PDXDC1: variants seen among roughly 807,000 people sequenced by gnomAD.
The protein encoded by PDXDC1 is pyridoxal-dependent decarboxylase domain-containing protein 1.
A neutral mutation model predicts 100.1 loss-of-function variants in PDXDC1; 42 were observed. The observed-to-expected ratio is 0.42, with a 90% CI of 0.33 to 0.54. The LOEUF is 0.54. PDXDC1 is among the 20% of genes least tolerant of loss of function. The pLI, the probability that PDXDC1 is intolerant of heterozygous loss-of-function variation, is 0.10. For missense variants in PDXDC1, 636 were observed against 979.2 expected, an observed-to-expected ratio of 0.65 and a Z score of 4.68; for synonymous variants, 260 against 371.7, an observed-to-expected ratio of 0.70 and a Z score of 3.46.
At position 15,014,962 on chromosome 16, in the gene PDXDC1, G is replaced by C. The variant is rs1489648157; in HGVS notation, c.728-1167G>C. 2.6e-5 allele frequency among the ~76,000 whole-genome samples: 4 copies of C among 152,284 alleles called. No individual in the cohort carries two copies. In the East Asian group the frequency reaches 7.7e-4, roughly 29 times the overall value. ...TTTTGTTTGTTTGTTTTTTGAGCTG[G>C]AGTCTTGCTTTGTTGCCCAGGCTGG... On this transcript the variant is annotated intron_variant, in intron 8 of 22. Coordinates refer to ENST00000396410, the MANE Select transcript of PDXDC1 (RefSeq NM_015027.4).
intron 16 of PDXDC1, among the ~76,000 whole-genome samples, chr16:15,030,506 A>T (rs572242400): frequency 7.7e-6 from 1 of 129,576 alleles, no homozygotes; most frequent in Non-Finnish European, 1.6e-5. Context: ...AGATTACACC[A>T]CTGCACTCCA....
intron 16 of PDXDC1, chr16:15,133,730 G>A (rs954449200): frequency 4.6e-5 from 73 of 1,603,634 alleles, no homozygotes; most frequent in African/African-American, 8.0e-5. Flanking sequence ...ATGGCATCAC[G>A]GGAGGGCTCC....
intron 16 of PDXDC1, chr16:15,048,117 A>C: frequency 6.6e-7 from 1 of 1,516,630 alleles, no homozygotes; most frequent in Non-Finnish European, 9.0e-7. Flanking sequence ...ATTAAAAAAA[A>C]AATAAAATAG....
At chr16:15,076,433 C>A in intron 16 of PDXDC1, 1 of 731,942 alleles carries the variant, frequency 1.4e-6, no homozygotes, top group Non-Finnish European at 2.5e-6. Flanking sequence ...TATAAGGAAT[C>A]GTTTTCAAGT....
At chr16:15,137,678 C>G in intron 16 of PDXDC1, 1 of 1,186,614 alleles carries the variant, frequency 8.4e-7, no homozygotes, top group Non-Finnish European at 1.2e-6. Flanking sequence ...CCTTCCTGAG[C>G]CCTGCCCAGT....
rs551078773 is a variant in PDXDC1 at position 15,037,879 on chromosome 16, TTGAAAGTCATTTGA to T, written c.*1619_*1632del. ...GCCTTTGCCAAAATAAGGTTTTATT[TTGAAAGTCATTTGA>T]TGAAAGTCATTTGAAAGACACTGAG... On this transcript the variant is annotated 3_prime_UTR_variant, in exon 23 of 23. Transcript: ENST00000396410. 1.5e-4 allele frequency: 85 copies of T among 555,728 alleles called. No homozygotes were observed. In the South Asian group the frequency reaches 1.6e-3, roughly 11 times the overall value. The allele number at this position is 555,728 out of a possible 1,614,324, so 34.4% of individuals were successfully genotyped here.
downstream of PDXDC1, chr16:15,041,541 G>A (rs927048805): frequency 2.0e-5 from 18 of 912,438 alleles, no homozygotes; most frequent in Middle Eastern, 2.1e-4. Context: ...AGTGTGTGCC[G>A]GTGCTTGGGC....
the PDXDC1 span, among the ~76,000 whole-genome samples, chr16:15,152,098 C>T: frequency 6.8e-6 from 1 of 147,940 alleles, no homozygotes; most frequent in Non-Finnish European, 1.5e-5. Flanking sequence ...AGTACGCCAT[C>T]TTTTCCAAAA....
intron 16 of PDXDC1, among the ~76,000 whole-genome samples, chr16:15,101,385 C>G (rs1396739404): frequency 6.6e-6 from 1 of 152,160 alleles, no homozygotes; most frequent in East Asian, 1.9e-4. Flanking sequence ...GGCACGATCT[C>G]GGCTCACTGC....
intron 16 of PDXDC1, among the ~76,000 whole-genome samples, chr16:15,063,000 C>T (rs1393810343): frequency 3.3e-5 from 5 of 152,178 alleles, no homozygotes; most frequent in East Asian, 1.9e-4. Flanking sequence ...TGCACCACCA[C>T]GCCCAGCTAA....
rs1970279754 is a variant in PDXDC1, at chr16:14,989,719, G to C, written c.22-8034G>C. 7.7e-6 allele frequency: 12 copies of C among 1,554,268 alleles called. No homozygotes were observed. The South Asian group carries it at 1.4e-4, about 18-fold the overall frequency. ...TGCAGGCAACGCACGCGGCGCAGCA[G>C]CCCCTCCCGCAGCAGCAGCACCGCC... On this transcript the variant is annotated intron_variant, in intron 1 of 22. Coordinates refer to ENST00000396410, the MANE Select transcript of PDXDC1 (RefSeq NM_015027.4).
In PDXDC1 at chr16:15,131,353, A is replaced by G. The variant is rs1287214468; in HGVS notation, c.1400-7526A>G. ...CTTGGTGGAGACGGTGTAGTTGCTG[A>G]TATAGCCAAAGGGAAAGGGATTGGA... On this transcript the variant is annotated intron_variant, in intron 16 of 16. Coordinates refer to the PDXDC1 transcript ENST00000535621. 3.2e-6 allele frequency: 5 copies of G among 1,569,260 alleles called. No individual in the cohort carries two copies. The Admixed American group carries it at 5.0e-5, about 16-fold the overall frequency.
intron 16 of PDXDC1, among the ~76,000 whole-genome samples, chr16:15,097,649 A>T: frequency 6.6e-6 from 1 of 151,528 alleles, no homozygotes; most frequent in African/African-American, 2.4e-5. Flanking sequence ...CTCCAAAAAA[A>T]AAAAAAAGAA....
In PDXDC1 at chr16:14,988,256, C is replaced by T. The variant is rs1283684240; in HGVS notation, c.22-9497C>T. ...GTGGCTGAAAGCAGGACTGTTAGTTCACTCAGACACTGGGATCTTCCTTAC... is the reference window on the plus strand; with the variant it reads ...GTGGCTGAAAGCAGGACTGTTAGTTTACTCAGACACTGGGATCTTCCTTAC... On this transcript the variant is annotated intron_variant, in intron 1 of 22. Coordinates refer to ENST00000396410, the MANE Select transcript of PDXDC1 (RefSeq NM_015027.4). The T allele has an allele frequency of 1.7e-4, 268 of 1,613,558 alleles. No homozygotes were observed. The African/African-American group carries it at 3.1e-3, about 19-fold the overall frequency.
intron 16 of PDXDC1, among the ~76,000 whole-genome samples, chr16:15,106,498 G>A (rs2046803566): frequency 6.7e-6 from 1 of 149,994 alleles, no homozygotes. Flanking sequence ...GCTGATGCCT[G>A]TAATCCCAGC....
chr16:15,100,346 T>C (rs184118263), intron 16 of PDXDC1, among the ~76,000 whole-genome samples: 21 of 152,354 alleles, frequency 1.4e-4, no homozygotes, highest in African/African-American at 5.1e-4. Flanking sequence ...CTCAACTATA[T>C]ATCTTTAGTT....
chr16:15,026,863 G>A (rs1420126091), intron 14 of PDXDC1, among the ~76,000 whole-genome samples, 157 bp downstream of exon 14: 5 of 152,304 alleles, frequency 3.3e-5, no homozygotes, highest in Admixed American at 6.5e-5. Flanking sequence ...ACTACAGTCC[G>A]AAACGCCTTA....
At chr16:15,054,315 T>C (rs1365630723) in intron 16 of PDXDC1, among the ~76,000 whole-genome samples, 1 of 152,220 alleles carries the variant, frequency 6.6e-6, no homozygotes, top group Non-Finnish European at 1.5e-5. Context: ...TCTTCTTAAA[T>C]AGGCCAAAAC....
intron 18 of PDXDC1, 145 bp from the exon 19 acceptor site, chr16:15,033,133 C>T (rs1313834438): frequency 9.6e-7 from 1 of 1,037,180 alleles, no homozygotes. Context: ...CTTCTGCAGC[C>T]TTGCCAGGCC....
Sources: allele counts gnomAD v4.1 joint callset (sites outside exome capture counted in the v4.1 genomes callset), GRCh38; gene constraint gnomAD v4.1.1; transcripts MANE v1.5; gene names NCBI Gene and HGNC (gene_info 2026-07-23, HGNC 2026-07-21).